The following LYPD6B variants were observed in gnomAD, a reference collection of about 807,000 sequenced individuals.
LYPD6B encodes the protein LY6/PLAUR domain containing 6B.
Under a neutral mutation model 22.8 loss-of-function variants are expected in LYPD6B, and 17 were observed. The observed-to-expected ratio is 0.75, with a 90% CI of 0.51 to 1.12. LYPD6B has a LOEUF of 1.12. Among genes scored for constraint, LYPD6B ranks in the 50% most tolerant of loss-of-function variants. The pLI, the probability that LYPD6B is intolerant of heterozygous loss-of-function variation, is 0.00. For missense variants in LYPD6B, 221 were observed against 258.3 expected (o/e 0.86, Z 0.99); for synonymous variants, 106 against 91.6 (o/e 1.16, Z -0.90).
intron 3 of LYPD6B, among the ~76,000 whole-genome samples, chr2:149,202,240 A>G (rs1200717675): frequency 6.6e-6 from 1 of 152,210 alleles, no homozygotes; most frequent in Non-Finnish European, 1.5e-5. Flanking sequence ...GATGGTCTAA[A>G]TTCAAAAATT....
chr2:149,162,989 G>A (rs1047907031), intron 3 of LYPD6B, among the ~76,000 whole-genome samples: 1 of 152,086 alleles, frequency 6.6e-6, no homozygotes, highest in East Asian at 1.9e-4. Flanking sequence ...GGTTGGAATT[G>A]TGGGGTGCCT....
Position 149,084,718 on chromosome 2 carries a change from C to T in LYPD6B, c.-67+45917C>T, listed in dbSNP as rs551204681. Among the ~76,000 whole-genome samples, 9 of 152,246 alleles carry T rather than the reference C, an allele frequency of 5.9e-5. No homozygotes were observed. In the South Asian group the frequency reaches 1.7e-3, roughly 28 times the overall value. ...TCATATTTTAAAATCTAAGATTTTACGAGGAATGTTCAGATTAATAAGGAC... is the reference window on the plus strand; with the variant it reads ...TCATATTTTAAAATCTAAGATTTTATGAGGAATGTTCAGATTAATAAGGAC... On this transcript the variant is annotated intron_variant, in intron 1 of 6. Transcript: ENST00000409642.
rs999656299 is a variant in LYPD6B, at chr2:149,131,995, C to T, written c.5+1042C>T. Among the ~76,000 whole-genome samples, 5 of 151,830 alleles carry T rather than the reference C, an allele frequency of 3.3e-5. No individual in the cohort carries two copies. In the East Asian group the frequency reaches 7.8e-4, roughly 24 times the overall value. Reference sequence around the variant, plus strand: ...GCTTTATTTATGGAGAAACTGAGACCGGGAGAGGGGAAAAGACATGCCAAA... The same window carrying T: ...GCTTTATTTATGGAGAAACTGAGACTGGGAGAGGGGAAAAGACATGCCAAA... On this transcript the variant is annotated intron_variant, in intron 2 of 6. Transcript: ENST00000409642.
intron 3 of LYPD6B, among the ~76,000 whole-genome samples, chr2:149,163,377 A>G (rs1690208593): frequency 6.6e-6 from 1 of 152,178 alleles, no homozygotes; most frequent in East Asian, 1.9e-4. Flanking sequence ...TGCACCCTCA[A>G]CAAACTTCTT....
chr2:149,203,590 T>A (rs1693312472), intron 3 of LYPD6B, among the ~76,000 whole-genome samples: 1 of 152,212 alleles, frequency 6.6e-6, no homozygotes. Flanking sequence ...CAATCTTGGT[T>A]TCTAAAATGA....
At chr2:149,123,939 A>G (rs932386207) in intron 1 of LYPD6B, among the ~76,000 whole-genome samples, 1 of 152,202 alleles carries the variant, frequency 6.6e-6, no homozygotes, top group African/African-American at 2.4e-5. Flanking sequence ...GAAGTTTTGG[A>G]TGATTTAGCA....
intron 3 of LYPD6B, among the ~76,000 whole-genome samples, chr2:149,195,380 A>G (rs1692744785): frequency 6.6e-6 from 1 of 152,218 alleles, no homozygotes; most frequent in South Asian, 2.1e-4. Flanking sequence ...TATGACACAC[A>G]CTTGAGGCAA....
chr2:149,131,537 G>T (rs1688029960), intron 2 of LYPD6B: 1 of 152,290 alleles, frequency 6.6e-6, no homozygotes, highest in Non-Finnish European at 1.5e-5. Flanking sequence ...AGAGAGAATT[G>T]TCTTGGGAAG....
intron 3 of LYPD6B, among the ~76,000 whole-genome samples, chr2:149,198,129 G>A (rs1193835994): frequency 4.0e-5 from 6 of 150,832 alleles, no homozygotes; most frequent in East Asian, 1.9e-4. Flanking sequence ...TGCAATCCCC[G>A]CCTCCTAGGT....
chr2:149,110,059 G>C (rs968723329), intron 1 of LYPD6B, among the ~76,000 whole-genome samples: 1 of 151,982 alleles, frequency 6.6e-6, no homozygotes, highest in African/African-American at 2.4e-5. Context: ...TTTTATTTTG[G>C]ATGGTTTCTA....
chr2:149,202,694 T>G (rs1003029726), intron 3 of LYPD6B, among the ~76,000 whole-genome samples: 4 of 152,200 alleles, frequency 2.6e-5, no homozygotes, highest in African/African-American at 9.6e-5. Flanking sequence ...CAATAACTTG[T>G]TATTTATTAG....
intron 1 of LYPD6B, among the ~76,000 whole-genome samples, chr2:149,043,766 C>A (rs1051351755): frequency 6.6e-6 from 1 of 152,062 alleles, no homozygotes; most frequent in African/African-American, 2.4e-5. Context: ...TTATGTTTTA[C>A]ACTTAGGTCT....
At chr2:149,132,072 C>G (rs1404684) in intron 2 of LYPD6B, among the ~76,000 whole-genome samples, 60,468 of 151,502 alleles carry the variant, frequency 0.4, 12,810 homozygotes, top group East Asian at 0.54. Context: ...TCCATGCTCC[C>G]TTTTTTAAAA....
At chr2:149,096,573 T>C (rs1685912299) in intron 1 of LYPD6B, among the ~76,000 whole-genome samples, 1 of 152,236 alleles carries the variant, frequency 6.6e-6, no homozygotes, top group Admixed American at 6.5e-5. Flanking sequence ...GAGTTTACTC[T>C]GTTGTAAGTC....
intron 3 of LYPD6B, among the ~76,000 whole-genome samples, chr2:149,189,974 TTTTAA>T (rs1413485351): frequency 2.0e-5 from 3 of 152,334 alleles, no homozygotes; most frequent in South Asian, 2.1e-4. Flanking sequence ...AATTGTTTTG[TTTTAA>T]TTTAATTTTT....
At chr2:149,091,856 G>A (rs1685667285) in intron 1 of LYPD6B, among the ~76,000 whole-genome samples, 2 of 152,190 alleles carry the variant, frequency 1.3e-5, no homozygotes, top group Non-Finnish European at 2.9e-5. Context: ...TTTAAGATAT[G>A]TGACAAATTT....
intron 1 of LYPD6B, among the ~76,000 whole-genome samples, chr2:149,096,833 G>A (rs185895834): frequency 1.4e-4 from 21 of 152,118 alleles, no homozygotes; most frequent in Non-Finnish European, 2.4e-4. Flanking sequence ...ATGTTTTAGA[G>A]CTCAAGATGA....
chr2:149,149,110 C>T lies in LYPD6B; in HGVS notation c.6-11654C>T, dbSNP rs1689207625. ...GTGCGGGGAGGAAGAACATTCCAGG[C>T]ATTTGGAGTTACGCAAGAATGACCA... On this transcript the variant is annotated intron_variant, in intron 2 of 6. Transcript: ENST00000409642. Among the ~76,000 whole-genome samples the T allele has an allele frequency of 1.3e-5, 2 of 152,030 alleles. 1 individual carries two copies. The highest frequency in any genetic ancestry group is 4.1e-4 in the South Asian group (2 of 4,828).
chr2:149,134,925 T>C (rs1014841121), intron 2 of LYPD6B, among the ~76,000 whole-genome samples: 1 of 152,160 alleles, frequency 6.6e-6, no homozygotes, highest in African/African-American at 2.4e-5. Context: ...ATGGGAAATA[T>C]TTAAAGCAAC....
Sources: gnomAD v4.1 joint callset for allele counts (sites outside exome capture counted in the v4.1 genomes callset) on GRCh38, gnomAD v4.1.1 for gene constraint, MANE v1.5 for transcripts, NCBI Gene and HGNC (gene_info 2026-07-23, HGNC 2026-07-21) for gene names.